KMT2A: variants seen among roughly 807,000 people sequenced by gnomAD.
The protein encoded by KMT2A is lysine methyltransferase 2A, also known as histone-lysine N-methyltransferase 2A.
A neutral mutation model predicts 345.3 loss-of-function variants in KMT2A; 16 were observed. The ratio of observed to expected loss-of-function variants is 0.05; its 90% CI spans 0.03 to 0.07. The LOEUF is 0.07. KMT2A is among the 10% of genes least tolerant of loss of function. The pLI is 1.00. For missense variants in KMT2A, 3,272 were observed against 4,841.6 expected, an observed-to-expected ratio of 0.68 and a Z score of 9.62; for synonymous variants, 1,599 against 1,778.6, an observed-to-expected ratio of 0.90 and a Z score of 2.54.
At chr11:118,438,950 G>A (rs1325171217) in intron 1 of KMT2A, 1 of 445,534 alleles carries the variant, frequency 2.2e-6, no homozygotes, top group Non-Finnish European at 4.5e-6. Flanking sequence ...CAGTCAGCAG[G>A]GTTGTTTGAG....
chr11:118,438,037 A>G (rs1446918252), intron 1 of KMT2A, among the ~76,000 whole-genome samples: 1 of 151,902 alleles, frequency 6.6e-6, no homozygotes, highest in Non-Finnish European at 1.5e-5. Context: ...TCGTCATTTC[A>G]TTATTGATCC....
At position 118,504,725 on chromosome 11, in the gene KMT2A, C is replaced by T. The variant is rs2134400976; in HGVS notation, c.8833C>T (p.Pro2945Ser). 1 of 1,614,118 alleles carries T rather than the reference C, an allele frequency of 6.2e-7. No individual in the cohort carries two copies. Among genetic ancestry groups the T allele is most frequent in the Non-Finnish European group, 8.5e-7 (1 of 1,180,012 alleles). Residue 2945 changes from proline (P) to serine (S), a missense_variant, in exon 27 of 36, where the codon CCC becomes TCC. Pro to Ser is a moderately conservative substitution (Grantham distance 74). This residue lies in a region of KMT2A where 748 missense variants were observed against 922.2 expected (regional missense o/e 0.81). Transcript: ENST00000534358. This position sits in a 1 kb window ranked among gnomAD's most constrained non-coding sequence, Gnocchi z 6.4. ...CTTGACCACCCGGAGTCCCACTGTC[C>T]CCAGCCAGAATCCCAGTAGACTAGC... ...SVLTTRSPTV[P>S]SQNPSRLAVI...
chr11:118,525,329 C>T lies in KMT2A; in HGVS notation c.*3157C>T, dbSNP rs1951058533. The T allele has an allele frequency of 4.4e-6, 1 of 227,384 alleles. No homozygotes were observed. The highest frequency in any genetic ancestry group is 2.2e-5 in the African/African-American group (1 of 45,022). 14.1% of individuals were successfully genotyped at this position (227,384 alleles called of 1,614,324 possible). On this transcript the variant is annotated 3_prime_UTR_variant, in exon 36 of 36. Transcript: ENST00000534358. Reference sequence around the variant, plus strand: ...CTAGAACCTGTTGTGGCTGCATTTCCTGGTGGCCAGTGACAACTGTGTAAC... The same window carrying T: ...CTAGAACCTGTTGTGGCTGCATTTCTTGGTGGCCAGTGACAACTGTGTAAC...
At chr11:118,452,149 C>G (rs1216586082) in intron 1 of KMT2A, among the ~76,000 whole-genome samples, 1 of 152,170 alleles carries the variant, frequency 6.6e-6, no homozygotes, top group African/African-American at 2.4e-5. Flanking sequence ...TTAAGCGATT[C>G]TACTCCCTCA....
At chr11:118,466,864 G>T (rs1555034203) in intron 1 of KMT2A, among the ~76,000 whole-genome samples, 1 of 151,930 alleles carries the variant, frequency 6.6e-6, no homozygotes, top group Non-Finnish European at 1.5e-5. Context: ...TTACGTGTAA[G>T]AATTTAAATT....
chr11:118,463,158 A>G (rs534030002), intron 1 of KMT2A, among the ~76,000 whole-genome samples: 13 of 149,952 alleles, frequency 8.7e-5, no homozygotes, highest in Non-Finnish European at 1.5e-4. Flanking sequence ...GGGTCTTGCT[A>G]TGTTGCCCAG....
intron 1 of KMT2A, among the ~76,000 whole-genome samples, chr11:118,455,317 C>G (rs1398571666): frequency 5.9e-5 from 9 of 152,178 alleles, no homozygotes; most frequent in African/African-American, 1.7e-4. Context: ...CCTGGCAATA[C>G]TCAATAAATA....
rs1951022288 is a variant in KMT2A at position 118,523,827 on chromosome 11, T to C, written c.*1655T>C. The C allele has an allele frequency of 4.8e-6, 1 of 209,150 alleles. No homozygotes were observed. 13.0% of individuals were successfully genotyped at this position (209,150 alleles called of 1,614,324 possible). ...CTTGTTTGTGCCCTGTTGACATAAA[T>C]GTTTCCTGGGTTTGCTCTTTGACAA... On this transcript the variant is annotated 3_prime_UTR_variant, in exon 36 of 36. Coordinates refer to ENST00000534358, the MANE Select transcript of KMT2A (RefSeq NM_001197104.2).
Position 118,477,609 on chromosome 11 carries a change from G to A in KMT2A, c.3335-358G>A, listed in dbSNP as rs531234554. The stretch of plus-strand genomic sequence containing the variant: ...TACAGCCTCCACTTCCCAGGTTCAA[G>A]CGATTCTCCTGCCTCAGCCTCCTGA... On this transcript the variant is annotated intron_variant, in intron 4 of 35. Transcript: ENST00000534358. Among the ~76,000 whole-genome samples the A allele has an allele frequency of 2.3e-4, 30 of 129,474 alleles. 1 individual carries two copies. The East Asian group carries it at 8.0e-3, about 34-fold the overall frequency. 84.9% of individuals were successfully genotyped at this position (129,474 alleles called of 152,430 possible).
At chr11:118,478,822 C>T (rs1950082474) in intron 5 of KMT2A, among the ~76,000 whole-genome samples, 1 of 152,000 alleles carries the variant, frequency 6.6e-6, no homozygotes, top group South Asian at 2.1e-4. Flanking sequence ...GTGACATGAT[C>T]ATAGCTCACT....
At chr11:118,514,502 G>T (rs1408963005) in intron 31 of KMT2A, among the ~76,000 whole-genome samples, 1 of 151,290 alleles carries the variant, frequency 6.6e-6, no homozygotes, top group African/African-American at 2.4e-5. Context: ...GTGCAGTGGC[G>T]TGATCTCGGC....
rs1950973727 is a variant in KMT2A at position 118,521,704 on chromosome 11, T to C, written c.11644-193T>C. On this transcript the variant is annotated intron_variant, in intron 35 of 35. Coordinates refer to ENST00000534358, the MANE Select transcript of KMT2A (RefSeq NM_001197104.2). The surrounding 1 kb of genome is among the most constrained non-coding windows in gnomAD (Gnocchi z 5.3). ...CTCCTGCAGAGACATTAGAAACCTC[T>C]AGACTAGTGGCCTGTAATCTAGGAA... Among the ~76,000 whole-genome samples the C allele has an allele frequency of 6.6e-6, 1 of 152,222 alleles. No homozygotes were observed. Among genetic ancestry groups the C allele is most frequent in the South Asian group, 2.1e-4 (1 of 4,828 alleles).
intron 4 of KMT2A, among the ~76,000 whole-genome samples, chr11:118,477,539 A>G (rs375510527): frequency 3.1e-5 from 3 of 98,054 alleles, no homozygotes; most frequent in Non-Finnish European, 3.5e-5. Context: ...ACGGAGCCTC[A>G]TTGTGTTGCC....
At chr11:118,470,361 G>A (rs189296114) in intron 2 of KMT2A, among the ~76,000 whole-genome samples, 10 of 152,190 alleles carry the variant, frequency 6.6e-5, no homozygotes, top group Non-Finnish European at 1.0e-4. Context: ...CTCTGGGCAG[G>A]AGTTTTATTT....
chr11:118,509,110 A>G, intron 28 of KMT2A, 26 bp from the exon 29 acceptor site: 3 of 1,603,688 alleles, frequency 1.9e-6, no homozygotes, highest in East Asian at 2.2e-5. Flanking sequence ...AGCTGATATT[A>G]TATCTTACAT....
intron 1 of KMT2A, among the ~76,000 whole-genome samples, chr11:118,444,445 C>T (rs1445060458): frequency 1.3e-5 from 2 of 152,140 alleles, no homozygotes; most frequent in South Asian, 4.1e-4. Context: ...AAGGGAGAAT[C>T]TCATAATCTA....
rs1212487376 is a variant in KMT2A at position 118,521,673 on chromosome 11, TTCTC to T, written c.11644-219_11644-216del. On this transcript the variant is annotated intron_variant, in intron 35 of 35. Coordinates refer to ENST00000534358, the MANE Select transcript of KMT2A (RefSeq NM_001197104.2). This position sits in a 1 kb window ranked among gnomAD's most constrained non-coding sequence, Gnocchi z 5.3. ...GCAAATAGCTATACAAGTTTTAGGT[TTCTC>T]TCTCCTGCAGAGACATTAGAAACCT... 6.6e-6 allele frequency among the ~76,000 whole-genome samples: 1 copy of T among 152,210 alleles called. No homozygotes were observed. Among genetic ancestry groups the T allele is most frequent in the African/African-American group, 2.4e-5 (1 of 41,452 alleles).
chr11:118,525,067 A>AT lies in KMT2A; in HGVS notation c.*2895_*2896insT, dbSNP rs1555055095. ...AGCACACCTGCCAGCAACTTGGGGG[A>AT]ATAAGCGAAGGTTTCCCTACAAGAG... On this transcript the variant is annotated 3_prime_UTR_variant, in exon 36 of 36. Coordinates refer to ENST00000534358, the MANE Select transcript of KMT2A (RefSeq NM_001197104.2). 4.6e-6 allele frequency: 1 copy of AT among 216,646 alleles called. No individual in the cohort carries two copies. The highest frequency in any genetic ancestry group is 2.3e-5 in the African/African-American group (1 of 44,348). The allele number at this position is 216,646 out of a possible 1,614,324, so 13.4% of individuals were successfully genotyped here. A position where few individuals can be genotyped will look rare whatever the true frequency, so the allele number is the denominator to read the frequency against.
Position 118,504,361 on chromosome 11 carries a change from A to G in KMT2A, c.8469A>G (p.Leu2823=), listed in dbSNP as rs1950548522. 3 of 1,614,214 alleles carry G rather than the reference A, an allele frequency of 1.9e-6. No homozygotes were observed. Among genetic ancestry groups the G allele is most frequent in the Non-Finnish European group, 2.5e-6 (3 of 1,180,030 alleles). The change falls in exon 27 of 36, where the codon TTA becomes TTG. Residue 2823 remains leucine, a synonymous_variant. Coordinates refer to ENST00000534358, the MANE Select transcript of KMT2A (RefSeq NM_001197104.2). This position sits in a 1 kb window ranked among gnomAD's most constrained non-coding sequence, Gnocchi z 6.4. ...VHTSTPSDKN[L]LDTYNTELLK... ...CAAGTACCCCCTCCGACAAAAATTTACTGGACACCTATAATACTGAGCTCC... is the reference window on the plus strand; with the variant it reads ...CAAGTACCCCCTCCGACAAAAATTTGCTGGACACCTATAATACTGAGCTCC...
Sources: allele counts gnomAD v4.1 joint callset (sites outside exome capture counted in the v4.1 genomes callset), GRCh38; gene constraint gnomAD v4.1.1; regional missense constraint gnomAD v4.1.1; non-coding constraint Gnocchi (gnomAD v3.1); transcripts MANE v1.5; gene names NCBI Gene and HGNC (gene_info 2026-07-23, HGNC 2026-07-21).